The following C1orf54 variants were observed in gnomAD, a reference collection of about 807,000 sequenced individuals.
The protein encoded by C1orf54 is chromosome 1 open reading frame 54.
A neutral mutation model predicts 14.7 loss-of-function variants in C1orf54; 12 were observed. The ratio of observed to expected loss-of-function variants is 0.82; its 90% CI spans 0.52 to 1.32. C1orf54 has a LOEUF of 1.32. Among genes scored for constraint, C1orf54 ranks in the 40% most tolerant of loss-of-function variants. C1orf54 has a pLI of 0.00. For synonymous variants in C1orf54, 65 were observed against 56.3 expected, an observed-to-expected ratio of 1.16 and a Z score of -0.70; for missense variants, 163 against 162.2, an observed-to-expected ratio of 1.00 and a Z score of -0.03.
In C1orf54 at chr1:150,279,713, T is replaced by C. The variant is rs782422939; in HGVS notation, c.371T>C (p.Val124Ala). The C allele has an allele frequency of 1.2e-6, 2 of 1,613,036 alleles. No individual in the cohort carries two copies. Among genetic ancestry groups the C allele is most frequent in the South Asian group, 2.2e-5 (2 of 90,830 alleles). The change falls in exon 5 of 6, where the codon GTT (valine) becomes GCT (alanine). Residue 124 changes from valine (V) to alanine (A), a missense_variant. Physicochemically the swap from Val to Ala is moderately conservative, Grantham distance 64. Transcript: ENST00000369099. ...PIPLLLSCAF[V>A]QVGMYFM Reference sequence around the variant, plus strand: ...CCCCTCCTCCTGTCGTGTGCCTTTGTTCAGGTGGGGATGTATTTCATGTAG... The same window carrying C: ...CCCCTCCTCCTGTCGTGTGCCTTTGCTCAGGTGGGGATGTATTTCATGTAG...
upstream of C1orf54, chr1:150,272,740 G>A: frequency 1.4e-6 from 2 of 1,448,770 alleles, no homozygotes; most frequent in South Asian, 1.2e-5. Flanking sequence ...TTTGGAGGAG[G>A]AGGGGAGGCG....
upstream of C1orf54, chr1:150,268,734 G>A (rs1447745533): frequency 1.2e-6 from 2 of 1,613,660 alleles, no homozygotes; most frequent in African/African-American, 2.7e-5. Flanking sequence ...CGGGTCCCCA[G>A]CCACAGTGAT....
intron 4 of C1orf54, among the ~76,000 whole-genome samples, chr1:150,277,720 G>A (rs1366316270): frequency 6.6e-6 from 1 of 152,056 alleles, no homozygotes; most frequent in Non-Finnish European, 1.5e-5. Flanking sequence ...AGAGTCTCAG[G>A]TGTCAGGCTG....
chr1:150,268,959 G>A (rs200241539), upstream of C1orf54: 2 of 641,734 alleles, frequency 3.1e-6, no homozygotes, highest in East Asian at 2.8e-5. Context: ...AAGGGGAAGG[G>A]GGGGAACCGA....
At position 150,275,730 on chromosome 1, in the gene C1orf54, C is replaced by G; in HGVS notation, c.131-11C>G. 6 of 1,601,234 alleles carry G rather than the reference C, an allele frequency of 3.7e-6. No homozygotes were observed. The highest frequency in any genetic ancestry group is 5.1e-6 in the Non-Finnish European group (6 of 1,169,900). ...TCTTTAATTATTACTGATTTTCTTT[C>G]TCCTCTGCAGATGACTTTAGTGCAG... On this transcript the variant is annotated splice_polypyrimidine_tract_variant and intron_variant, in intron 2 of 5. Transcript: ENST00000369099.
chr1:150,276,429 G>A (rs587652473), intron 3 of C1orf54, 93 bp from the exon 4 acceptor site: 90 of 967,968 alleles, frequency 9.3e-5, no homozygotes, highest in Non-Finnish European at 1.3e-4. Flanking sequence ...CTGGGTGGAG[G>A]TGGTGAAGGG....
chr1:150,279,666 G>A lies in C1orf54; in HGVS notation c.324G>A (p.Val108=). Residue 108 remains valine (V), a synonymous_variant, in exon 5 of 6, where the codon GTG becomes GTA. Transcript: ENST00000369099. ...AGAGTCCAGATCTGAACGATGCCGT[G>A]TCCAGTTTGCGAAGTCCTATTCCCC... ...TEPSPDLNDA[V]SSLRSPIPLL... The A allele has an allele frequency of 6.2e-7, 1 of 1,612,818 alleles. No individual in the cohort carries two copies. Among genetic ancestry groups the A allele is most frequent in the South Asian group, 1.1e-5 (1 of 90,778 alleles).
At chr1:150,279,590 T>A (rs1476133585) in intron 4 of C1orf54, 53 bp from the exon 5 acceptor site, 1 of 1,495,318 alleles carries the variant, frequency 6.7e-7, no homozygotes, top group African/African-American at 1.4e-5. Flanking sequence ...GACAGAGAAG[T>A]GGTAGGAGGA....
At chr1:150,280,812 T>C in intron 5 of C1orf54, 23 bp from the exon 6 acceptor site, 1 of 1,547,198 alleles carries the variant, frequency 6.5e-7, no homozygotes, top group Non-Finnish European at 8.7e-7. Flanking sequence ...CCTTTTATTT[T>C]CTTTCTTTCT....
chr1:150,280,270 A>G (rs1394445392), intron 5 of C1orf54, among the ~76,000 whole-genome samples: 2 of 152,212 alleles, frequency 1.3e-5, no homozygotes, highest in Admixed American at 1.3e-4. Flanking sequence ...ATTTAGAAAA[A>G]TCTTCTTATT....
At chr1:150,269,874 TA>T (rs782027654), upstream of C1orf54, among the ~76,000 whole-genome samples, 2 of 151,996 alleles carry the variant, frequency 1.3e-5, no homozygotes, top group Non-Finnish European at 2.9e-5. Flanking sequence ...CCATCTCTAC[TA>T]AAAATACAAA....
At chr1:150,277,485 A>G (rs1209774274) in intron 4 of C1orf54, among the ~76,000 whole-genome samples, 1 of 128,814 alleles carries the variant, frequency 7.8e-6, no homozygotes, top group Non-Finnish European at 1.6e-5. Flanking sequence ...CCTGGGCGAC[A>G]GAGTGAGACT....
chr1:150,272,774 G>A (rs199601572), upstream of C1orf54: 52 of 1,608,294 alleles, frequency 3.2e-5, no homozygotes, highest in Admixed American at 4.7e-4. Flanking sequence ...GGGAAACTCT[G>A]TAATTTCCTT....
rs71083896 is a variant in C1orf54 at position 150,277,502 on chromosome 1, TAAAAAAAAAAAAA to T, written c.300+883_300+895del. ...TGGGCGACAGAGTGAGACTCTATAC[TAAAAAAAAAAAAA>T]AAAAAAAAAAAAGAGTGAAAGAGCT... On this transcript the variant is annotated intron_variant, in intron 4 of 5. Transcript: ENST00000369099. 4.4e-4 allele frequency among the ~76,000 whole-genome samples: 18 copies of T among 41,326 alleles called. 1 individual carries two copies. Among genetic ancestry groups the T allele is most frequent in the Non-Finnish European group, 4.2e-4 (9 of 21,578 alleles). The allele number at this position is 41,326 out of a possible 152,430, so 27.1% of individuals were successfully genotyped here.
At position 150,274,044 on chromosome 1, in the gene C1orf54, G is replaced by C. The variant is rs372129268; in HGVS notation, c.47-43G>C. 20 of 1,387,148 alleles carry C rather than the reference G, an allele frequency of 1.4e-5. No individual in the cohort carries two copies. The African/African-American group carries it at 2.9e-4, about 20-fold the overall frequency. The allele number at this position is 1,387,148 out of a possible 1,614,324, so 85.9% of individuals were successfully genotyped here. ...TCTCCAGGTGTCCTTTTGTTAGTAA[G>C]GTGTTCCAGATGTCCCTTGACCTCT... is the stretch of plus-strand genomic sequence containing the variant. On this transcript the variant is annotated intron_variant, in intron 1 of 5. Transcript: ENST00000369099.
upstream of C1orf54, chr1:150,272,761 G>T: frequency 6.3e-7 from 1 of 1,585,670 alleles, no homozygotes; most frequent in South Asian, 1.1e-5. Context: ...GGGTAAGTTT[G>T]GTGGGAAACT....
upstream of C1orf54, among the ~76,000 whole-genome samples, chr1:150,271,742 T>A (rs1652217176): frequency 6.6e-6 from 1 of 152,166 alleles, no homozygotes; most frequent in Non-Finnish European, 1.5e-5. Flanking sequence ...GAAGGGAACA[T>A]ACCAAGTGAC....
chr1:150,272,719 T>A, upstream of C1orf54: 2 of 1,249,046 alleles, frequency 1.6e-6, no homozygotes, highest in Admixed American at 3.5e-5. Flanking sequence ...TTGCTGCAGC[T>A]CCTTCCCTGC....
upstream of C1orf54, among the ~76,000 whole-genome samples, chr1:150,271,027 C>T (rs587596020): frequency 2.0e-5 from 3 of 149,080 alleles, no homozygotes; most frequent in South Asian, 2.1e-4. Flanking sequence ...AAGAGGGTAG[C>T]GTTATCATGA....
Sources: allele counts gnomAD v4.1 joint callset (sites outside exome capture counted in the v4.1 genomes callset), GRCh38; gene constraint gnomAD v4.1.1; transcripts MANE v1.5; gene names NCBI Gene and HGNC (gene_info 2026-07-23, HGNC 2026-07-21).